Variants in CD2AP observed in about 807,000 individuals in gnomAD.
The protein encoded by CD2AP is CD2-associated protein.
CD2AP carries 46 observed loss-of-function variants against 85.1 expected under a neutral mutation model. The observed-to-expected ratio is 0.54, with a 90% CI of 0.43 to 0.69. The LOEUF (loss-of-function observed/expected upper bound fraction) is 0.69, where lower values mean the gene tolerates loss of function less well. CD2AP is among the 30% of genes least tolerant of loss of function. CD2AP has a pLI of 0.00. For missense variants in CD2AP, 769 were observed against 729.5 expected (o/e 1.05, Z -0.62); for synonymous variants, 255 against 252.9 (o/e 1.01, Z -0.08).
chr6:47,536,985 T>C (rs956063668), intron 3 of CD2AP, among the ~76,000 whole-genome samples: 5 of 152,314 alleles, frequency 3.3e-5, no homozygotes, highest in Admixed American at 6.5e-5. Flanking sequence ...CAATACATAG[T>C]GTTTGCTAAT....
At chr6:47,519,559 T>C (rs1766531383) in intron 2 of CD2AP, among the ~76,000 whole-genome samples, 1 of 152,238 alleles carries the variant, frequency 6.6e-6, no homozygotes, top group Admixed American at 6.5e-5. Context: ...CCCTAGAGCA[T>C]GAGTTTCTTC....
intron 2 of CD2AP, among the ~76,000 whole-genome samples, chr6:47,505,628 C>A (rs1766128704): frequency 9.0e-6 from 1 of 111,034 alleles, no homozygotes; most frequent in Non-Finnish European, 2.0e-5. Context: ...GGGGGCTGAC[C>A]CCCCCCACCT....
At chr6:47,622,740 C>T (rs7754971) in intron 17 of CD2AP, among the ~76,000 whole-genome samples, 40,864 of 151,982 alleles carry the variant, frequency 0.27, 5,681 homozygotes, top group African/African-American at 0.33. Flanking sequence ...GAGGGTCTGT[C>T]GGTCCTCTCG....
In CD2AP at chr6:47,562,033, G is replaced by C. The variant is rs748463603; in HGVS notation, c.541+7267G>C. On this transcript the variant is annotated intron_variant, in intron 5 of 17. Coordinates refer to ENST00000359314, the MANE Select transcript of CD2AP (RefSeq NM_012120.3). Reference sequence around the variant, plus strand: ...CCCACCTCGGCCTCTTAAAGTACTGGGATTACAGGCGTGAGCCACTGCACC... The same window carrying C: ...CCCACCTCGGCCTCTTAAAGTACTGCGATTACAGGCGTGAGCCACTGCACC... 2.2e-4 allele frequency among the ~76,000 whole-genome samples: 34 copies of C among 152,244 alleles called. No homozygotes were observed. The South Asian group carries it at 2.3e-3, about 10-fold the overall frequency.
At chr6:47,622,275 G>T (rs749787577) in intron 17 of CD2AP, among the ~76,000 whole-genome samples, 2 of 152,176 alleles carry the variant, frequency 1.3e-5, no homozygotes, top group Non-Finnish European at 2.9e-5. Flanking sequence ...TTCTAGCTGC[G>T]AAAGAAAAGG....
At chr6:47,536,738 C>T (rs1767058307) in intron 3 of CD2AP, among the ~76,000 whole-genome samples, 1 of 152,126 alleles carries the variant, frequency 6.6e-6, no homozygotes, top group African/African-American at 2.4e-5. Context: ...TTGCTAAAGT[C>T]AGAGAAGAGA....
chr6:47,493,645 T>C (rs1411776012), intron 1 of CD2AP, among the ~76,000 whole-genome samples: 2 of 152,124 alleles, frequency 1.3e-5, no homozygotes, highest in African/African-American at 4.8e-5. Context: ...TTATTTCATA[T>C]ATTCTGCTCT....
rs142411264 is a variant in CD2AP, at chr6:47,609,647, C to T, written c.1814+343C>T. 584 of 215,320 alleles carry T rather than the reference C, an allele frequency of 2.7e-3. 2 individuals carry two copies. The highest frequency in any genetic ancestry group is 0.013 in the African/African-American group (549 of 42,896). 13.3% of individuals were successfully genotyped at this position (215,320 alleles called of 1,614,324 possible). ...CTGGGAAGTCAAGGCTGCAGTGAGC[C>T]GTGAACATGCCAGTGCGCTCCAGCC... On this transcript the variant is annotated intron_variant, in intron 16 of 17. Coordinates refer to ENST00000359314, the MANE Select transcript of CD2AP (RefSeq NM_012120.3).
At chr6:47,539,214 A>T (rs1040230776) in intron 3 of CD2AP, among the ~76,000 whole-genome samples, 2 of 152,252 alleles carry the variant, frequency 1.3e-5, no homozygotes, top group Admixed American at 1.3e-4. Context: ...TAAGTGCTTG[A>T]TAAATGTTTA....
At chr6:47,543,958 A>G (rs1377734599) in intron 3 of CD2AP, among the ~76,000 whole-genome samples, 1 of 152,222 alleles carries the variant, frequency 6.6e-6, no homozygotes, top group Non-Finnish European at 1.5e-5. Flanking sequence ...TAGCTGCTTA[A>G]TGATTCACTT....
chr6:47,592,804 T>C (rs1768839085), intron 11 of CD2AP, among the ~76,000 whole-genome samples: 1 of 152,196 alleles, frequency 6.6e-6, no homozygotes, highest in Non-Finnish European at 1.5e-5. Context: ...TCTTCCTGCA[T>C]ACCTTGCCTT....
At chr6:47,511,465 A>T (rs550051930) in intron 2 of CD2AP, among the ~76,000 whole-genome samples, 1 of 152,334 alleles carries the variant, frequency 6.6e-6, no homozygotes, top group Admixed American at 6.5e-5. Context: ...AAAGGACATT[A>T]GTGGAAAAAT....
chr6:47,570,068 A>G (rs1040004306), intron 5 of CD2AP, among the ~76,000 whole-genome samples: 1 of 152,222 alleles, frequency 6.6e-6, no homozygotes, highest in African/African-American at 2.4e-5. Context: ...ATCCTTGAGA[A>G]TAATGGTGAA....
chr6:47,548,073 A>C (rs1322556294), intron 4 of CD2AP, among the ~76,000 whole-genome samples: 1 of 152,108 alleles, frequency 6.6e-6, no homozygotes. Flanking sequence ...AAGTCAACTT[A>C]AAAGTTAAAA....
chr6:47,491,265 GTGTGTA>G (rs368945780), intron 1 of CD2AP, among the ~76,000 whole-genome samples: 8,632 of 100,964 alleles, frequency 0.085, 322 homozygotes, highest in Middle Eastern at 0.13. Flanking sequence ...TGATATGTGT[GTGTGTA>G]TGTGTGTGTG....
chr6:47,544,537 G>T, intron 3 of CD2AP, 69 bp from the exon 4 acceptor site: 2 of 954,582 alleles, frequency 2.1e-6, no homozygotes, highest in Non-Finnish European at 1.7e-6. Flanking sequence ...ACTAAACATG[G>T]CATGTAAATA....
chr6:47,569,969 A>C (rs1052588100), intron 5 of CD2AP, among the ~76,000 whole-genome samples: 2 of 152,136 alleles, frequency 1.3e-5, no homozygotes, highest in African/African-American at 4.8e-5. Flanking sequence ...CCTTCTTTCT[A>C]TGTGTACTTT....
chr6:47,570,758 A>G (rs1768126921), intron 5 of CD2AP, among the ~76,000 whole-genome samples: 1 of 152,192 alleles, frequency 6.6e-6, no homozygotes. Context: ...AGGCAAAGAG[A>G]TTGGGCAAAT....
intron 5 of CD2AP, among the ~76,000 whole-genome samples, chr6:47,568,452 G>A (rs912202583): frequency 6.6e-6 from 1 of 151,982 alleles, no homozygotes; most frequent in Non-Finnish European, 1.5e-5. Flanking sequence ...TATAAGAAAC[G>A]ATGAGTAGGC....
Sources: gnomAD v4.1 joint callset for allele counts (sites outside exome capture counted in the v4.1 genomes callset) on GRCh38, gnomAD v4.1.1 for gene constraint, MANE v1.5 for transcripts, NCBI Gene and HGNC (gene_info 2026-07-23, HGNC 2026-07-21) for gene names.